The following MYCBP2 variants were observed in gnomAD, a reference collection of about 807,000 sequenced individuals.
The protein encoded by MYCBP2 is E3 ubiquitin-protein ligase MYCBP2.
A neutral mutation model predicts 525.3 loss-of-function variants in MYCBP2; 120 were observed. The observed-to-expected ratio is 0.23, with a 90% CI of 0.20 to 0.27. The LOEUF (loss-of-function observed/expected upper bound fraction) is 0.27. Ranked by LOEUF, MYCBP2 falls within the 10% of genes least tolerant of loss-of-function variation. The pLI is 1.00. For missense variants in MYCBP2, 4,149 were observed against 5,657.1 expected (o/e 0.73, Z 8.55); for synonymous variants, 1,894 against 1,955.8 (o/e 0.97, Z 0.83).
intron 18 of MYCBP2, among the ~76,000 whole-genome samples, chr13:77,225,845 A>C (rs981607835): frequency 1.3e-5 from 2 of 152,236 alleles, no homozygotes; most frequent in African/African-American, 4.8e-5. Flanking sequence ...TTATAGAAAT[A>C]ACAAAATTTA....
In MYCBP2 at chr13:77,294,117, T is replaced by TATATATAC. The variant is rs1555465690; in HGVS notation, c.378+2481_378+2482insGTATATAT. 1.1e-3 allele frequency among the ~76,000 whole-genome samples: 60 copies of TATATATAC among 56,678 alleles called. 3 individuals are homozygous for TATATATAC. In the East Asian group the frequency reaches 0.03, roughly 28 times the overall value. 37.2% of individuals were successfully genotyped at this position (56,678 alleles called of 152,430 possible). A position where few individuals can be genotyped will look rare whatever the true frequency, so the allele number is the denominator to read the frequency against. On this transcript the variant is annotated intron_variant, in intron 2 of 82. Coordinates refer to ENST00000544440, the MANE Select transcript of MYCBP2 (RefSeq NM_015057.5). ...TAGATATAATGGCTATATATATATA[T>TATATATAC]ATATATATATATACATATATATATA... is the stretch of plus-strand genomic sequence containing the variant.
chr13:77,271,186 G>A (rs1009909825), intron 5 of MYCBP2, among the ~76,000 whole-genome samples: 1 of 151,932 alleles, frequency 6.6e-6, no homozygotes, highest in Non-Finnish European at 1.5e-5. Context: ...TAAGGACTTG[G>A]CAGGATTGAT....
intron 38 of MYCBP2, among the ~76,000 whole-genome samples, chr13:77,170,997 A>T (rs544135787): frequency 6.6e-6 from 1 of 152,226 alleles, no homozygotes; most frequent in Non-Finnish European, 1.5e-5. Flanking sequence ...TTAAAAAATG[A>T]AATGTACTTG....
intron 14 of MYCBP2, among the ~76,000 whole-genome samples, chr13:77,254,039 T>C (rs1389889472): frequency 6.6e-6 from 1 of 151,950 alleles, no homozygotes; most frequent in Non-Finnish European, 1.5e-5. Context: ...CTGTGTGGTA[T>C]ATTACACATT....
At chr13:77,203,009 A>G (rs1157499644) in intron 26 of MYCBP2, among the ~76,000 whole-genome samples, 75 of 151,058 alleles carry the variant, frequency 5.0e-4, no homozygotes, top group African/African-American at 1.7e-3. Flanking sequence ...CTCTCTCACC[A>G]CTCCTATTCA....
chr13:77,231,010 T>C (rs2067053991), intron 18 of MYCBP2, among the ~76,000 whole-genome samples: 3 of 152,204 alleles, frequency 2.0e-5, no homozygotes, highest in African/African-American at 2.4e-5. Context: ...TGAGTGTAAA[T>C]GGTTAGTGGC....
At chr13:77,174,530 A>G (rs375164087) in intron 36 of MYCBP2, 41 bp from the exon 37 acceptor site, 5 of 1,503,132 alleles carry the variant, frequency 3.3e-6, no homozygotes, top group Non-Finnish European at 3.7e-6. Flanking sequence ...TTCACAATGT[A>G]CAGAGGATAT....
intron 4 of MYCBP2, among the ~76,000 whole-genome samples, chr13:77,276,866 G>C (rs1411156200): frequency 1.7e-5 from 2 of 120,606 alleles, no homozygotes; most frequent in Non-Finnish European, 3.2e-5. Context: ...AAGTTGCCCA[G>C]ACTGGTCCCA....
intron 55 of MYCBP2, among the ~76,000 whole-genome samples, chr13:77,101,477 G>A (rs1435898998): frequency 6.6e-6 from 1 of 152,040 alleles, no homozygotes; most frequent in Non-Finnish European, 1.5e-5. Flanking sequence ...AACCTCTGTG[G>A]TTGCCTGAAA....
chr13:77,119,025 T>C (rs1228501698), intron 55 of MYCBP2, among the ~76,000 whole-genome samples: 1 of 152,216 alleles, frequency 6.6e-6, no homozygotes, highest in Non-Finnish European at 1.5e-5. Flanking sequence ...ATTAATACTT[T>C]CTTTTTTAAG....
intron 4 of MYCBP2, among the ~76,000 whole-genome samples, chr13:77,275,864 G>T (rs917834482): frequency 6.6e-5 from 10 of 152,020 alleles, no homozygotes. Flanking sequence ...CGCGCCTGTA[G>T]TCCAAGCTAC....
Position 77,287,254 on chromosome 13 carries a change from C to T in MYCBP2, c.594+907G>A, listed in dbSNP as rs1355722745. On this transcript the variant is annotated intron_variant, in intron 3 of 82. Coordinates refer to ENST00000544440, the MANE Select transcript of MYCBP2 (RefSeq NM_015057.5). ...AGGCCGGAGTGCAATGGCATGATCT[C>T]GGCTCACTGCAACCTCCGCCTCCTG... 2.0e-5 allele frequency among the ~76,000 whole-genome samples: 3 copies of T among 149,748 alleles called. No individual in the cohort carries two copies. The Admixed American group carries it at 2.0e-4, about 10-fold the overall frequency.
At chr13:77,139,100 T>C in intron 52 of MYCBP2, 96 bp downstream of exon 52, 6 of 1,312,622 alleles carry the variant, frequency 4.6e-6, no homozygotes, top group South Asian at 1.6e-5. Flanking sequence ...TACTTAGTTG[T>C]GGGTTACCTC....
Position 77,249,989 on chromosome 13 carries a change from C to T in MYCBP2, c.2381+1162G>A, listed in dbSNP as rs1207888053. Among the ~76,000 whole-genome samples, 5 of 152,068 alleles carry T rather than the reference C, an allele frequency of 3.3e-5. No individual in the cohort carries two copies. In the East Asian group the frequency reaches 9.7e-4, roughly 29 times the overall value. ...CTGTAATCCCAGCACTTTGGGAGGC[C>T]GAGGCGGGCGGATCACGAGGTCAGG... is the stretch of plus-strand genomic sequence containing the variant. On this transcript the variant is annotated intron_variant, in intron 15 of 82. Coordinates refer to ENST00000544440, the MANE Select transcript of MYCBP2 (RefSeq NM_015057.5).
At chr13:77,261,430 G>T in intron 11 of MYCBP2, 55 bp from the exon 12 acceptor site, 1 of 1,268,006 alleles carries the variant, frequency 7.9e-7, no homozygotes, top group Non-Finnish European at 1.1e-6. Flanking sequence ...AGTGCATCAG[G>T]TTTCACATGA....
At position 77,044,678 on chromosome 13, in the gene MYCBP2, A is replaced by C. The variant is rs1219819291; in HGVS notation, c.*700T>G. On this transcript the variant is annotated 3_prime_UTR_variant, in exon 83 of 83. Coordinates refer to ENST00000544440, the MANE Select transcript of MYCBP2 (RefSeq NM_015057.5). ...GTGGTAGACTTTATCACTGTATAAA[A>C]ATGTACAGTGGTTTTATTGACATGT... 5.0e-6 allele frequency: 2 copies of C among 398,552 alleles called. No homozygotes were observed. Among genetic ancestry groups the C allele is most frequent in the African/African-American group, 4.1e-5 (2 of 48,614 alleles). 24.7% of individuals were successfully genotyped at this position (398,552 alleles called of 1,614,324 possible). A position where few individuals can be genotyped will look rare whatever the true frequency, so the allele number is the denominator to read the frequency against.
chr13:77,242,505 C>A (rs2069031861), intron 17 of MYCBP2, among the ~76,000 whole-genome samples: 1 of 152,174 alleles, frequency 6.6e-6, no homozygotes, highest in Non-Finnish European at 1.5e-5. Context: ...ATGAAACCTG[C>A]AGACCTGCCA....
At chr13:77,180,685 TG>T (rs748422242) in intron 33 of MYCBP2, among the ~76,000 whole-genome samples, 2 of 152,132 alleles carry the variant, frequency 1.3e-5, no homozygotes, top group Non-Finnish European at 1.5e-5. Flanking sequence ...GAGGCTGAGA[TG>T]GGAGGATCAC....
chr13:77,186,958 C>T (rs528839001), intron 30 of MYCBP2, among the ~76,000 whole-genome samples: 4 of 151,932 alleles, frequency 2.6e-5, no homozygotes, highest in East Asian at 3.9e-4. Flanking sequence ...ACTACAAGTG[C>T]GCACCACCAT....
Sources: allele counts gnomAD v4.1 joint callset (sites outside exome capture counted in the v4.1 genomes callset), GRCh38; gene constraint gnomAD v4.1.1; transcripts MANE v1.5; gene names NCBI Gene and HGNC (gene_info 2026-07-23, HGNC 2026-07-21).